The following CNOT3 variants were observed in gnomAD, a reference collection of about 807,000 sequenced individuals.
CNOT3 encodes the protein CCR4-associated factor 3.
Under a neutral mutation model 89.4 loss-of-function variants are expected in CNOT3, and 2 were observed. The ratio of observed to expected loss-of-function variants is 0.02; its 90% CI spans 0.01 to 0.07. CNOT3 has a LOEUF of 0.07. Ranked by LOEUF, CNOT3 falls within the 10% of genes least tolerant of loss-of-function variation. CNOT3 has a pLI of 1.00. For missense variants in CNOT3, 664 were observed against 1,010.2 expected (o/e 0.66, Z 4.65); for synonymous variants, 486 against 402.0 (o/e 1.21, Z -2.50).
intron 17 of CNOT3, chr19:54,155,040 T>C: frequency 1.9e-6 from 1 of 533,210 alleles, no homozygotes; most frequent in South Asian, 2.3e-5. Context: ...GGCTGTGCAC[T>C]CACACCTGGG....
Position 54,155,413 on chromosome 19 carries a change from GC to G in CNOT3, c.*10del, listed in dbSNP as rs775224425. On this transcript the variant is annotated 3_prime_UTR_variant, in exon 18 of 18. Coordinates refer to ENST00000221232, the MANE Select transcript of CNOT3 (RefSeq NM_014516.4). ...AGGACCGGGACCTCCAGTGACACCGGCCCCTCCCTCTACCCACCCCCTTCCC... is the reference window on the plus strand; with the variant it reads ...AGGACCGGGACCTCCAGTGACACCGGCCCTCCCTCTACCCACCCCCTTCCC... 2 of 1,576,250 alleles carry G rather than the reference GC, an allele frequency of 1.3e-6. No individual in the cohort carries two copies. Among genetic ancestry groups the G allele is most frequent in the Non-Finnish European group, 1.7e-6 (2 of 1,154,020 alleles).
intron 13 of CNOT3, among the ~76,000 whole-genome samples, chr19:54,150,264 TGA>T (rs1256332638): frequency 6.6e-6 from 1 of 150,794 alleles, no homozygotes; most frequent in Admixed American, 6.6e-5. Flanking sequence ...CAGGAAGGTC[TGA>T]GAGGGGGTGA....
chr19:54,143,351 T>A, intron 3 of CNOT3, 91 bp from the exon 4 acceptor site: 3 of 1,229,196 alleles, frequency 2.4e-6, no homozygotes, highest in Non-Finnish European at 2.4e-6. Context: ...TTGGGGGGGG[T>A]CCTCGAGTCC....
In CNOT3 at chr19:54,144,462, G is replaced by A. The variant is rs1443647641; in HGVS notation, c.483+130G>A. ...CCTCAGGCGGACAGGGCCAACAGCCGGGATTAGGGATTTGAGAGACAGGAT... is the reference window on the plus strand; with the variant it reads ...CCTCAGGCGGACAGGGCCAACAGCCAGGATTAGGGATTTGAGAGACAGGAT... On this transcript the variant is annotated intron_variant, in intron 7 of 17. Transcript: ENST00000221232. The surrounding 1 kb of genome is among the most constrained non-coding windows in gnomAD (Gnocchi z 4.8). 10 of 690,014 alleles carry A rather than the reference G, an allele frequency of 1.4e-5. No homozygotes were observed. The highest frequency in any genetic ancestry group is 7.7e-6 in the Non-Finnish European group (3 of 387,878). 42.7% of individuals were successfully genotyped at this position (690,014 alleles called of 1,614,324 possible).
At chr19:54,146,162 A>G in intron 9 of CNOT3, 119 bp downstream of exon 9, 1 of 1,100,242 alleles carries the variant, frequency 9.1e-7, no homozygotes, top group African/African-American at 1.5e-5. Flanking sequence ...AGATCTAGGT[A>G]TCCAGGGTCT....
chr19:54,138,215 A>G (rs1190446210), intron 1 of CNOT3, among the ~76,000 whole-genome samples: 2 of 149,318 alleles, frequency 1.3e-5, no homozygotes. Flanking sequence ...CACGTTCCTC[A>G]GCGCCTCCCG....
In CNOT3 at chr19:54,152,323, G is replaced by A. The variant is rs775550862; in HGVS notation, c.1703G>A (p.Arg568Gln). Residue 568 changes from arginine (R) to glutamine (Q), a missense_variant and splice_region_variant, in exon 14 of 18, where the codon CGA becomes CAA. Transcript: ENST00000221232. Reference protein sequence around the residue: ...DPVPTLHLTERDIILSSTSAP... With the variant: ...DPVPTLHLTEQDIILSSTSAP... ...GTGCCAACGCTGCACCTGACCGAGC[G>A]AGGTGAGGGACCCAGGATGGTGGGG... 16 of 1,614,026 alleles carry A rather than the reference G, an allele frequency of 9.9e-6. No homozygotes were observed. Among genetic ancestry groups the A allele is most frequent in the African/African-American group, 1.3e-5 (1 of 74,920 alleles).
At chr19:54,147,127 G>C (rs777639739) in intron 10 of CNOT3, among the ~76,000 whole-genome samples, 1 of 152,192 alleles carries the variant, frequency 6.6e-6, no homozygotes, top group African/African-American at 2.4e-5. Flanking sequence ...GAAGCGATGG[G>C]GCCTTTGCTG....
chr19:54,142,171 G>A lies in CNOT3; in HGVS notation c.-50-758G>A, dbSNP rs142018733. 465 of 152,170 alleles carry A rather than the reference G, an allele frequency of 3.1e-3. 3 individuals carry two copies. The highest frequency in any genetic ancestry group is 2.7e-3 in the Non-Finnish European group (181 of 68,078). The allele number at this position is 152,170 out of a possible 1,614,324, so 9.4% of individuals were successfully genotyped here. On this transcript the variant is annotated intron_variant, in intron 1 of 17. Transcript: ENST00000221232. The stretch of plus-strand genomic sequence containing the variant: ...ACCCTCTTATCTTAGTAAGATTTCT[G>A]TCTTCTCCCAGGTCTCTCTTGGGTA...
At chr19:54,153,370 C>G (rs546690392) in intron 16 of CNOT3, 6 of 764,576 alleles carry the variant, frequency 7.8e-6, no homozygotes, top group Non-Finnish European at 1.2e-5. Flanking sequence ...CACTGGGGAG[C>G]TGTCCAGCCC....
intron 1 of CNOT3, chr19:54,142,244 T>C (rs1199068853): frequency 6.6e-6 from 1 of 152,598 alleles, no homozygotes; most frequent in African/African-American, 2.4e-5. Flanking sequence ...TTAGCTTCTT[T>C]GGGTTAGGAG....
chr19:54,152,895 A>G lies in CNOT3; in HGVS notation c.1933A>G (p.Thr645Ala), dbSNP rs2146769011. The change falls in exon 16 of 18, where the codon ACG (threonine) becomes GCG (alanine). Residue 645 changes from threonine (T) to alanine (A), a missense_variant. Physicochemically the swap from Thr to Ala is moderately conservative, Grantham distance 58 (BLOSUM62 0). Transcript: ENST00000221232. ...RQYLPRNPCP[T>A]PPYHHQMPPP... ...GTACCTCCCCCGGAACCCCTGTCCG[A>G]CGCCCCCCTACCACCACCAGATGCC... is the stretch of plus-strand genomic sequence containing the variant. 6.7e-7 allele frequency: 1 copy of G among 1,488,186 alleles called. No individual in the cohort carries two copies. The highest frequency in any genetic ancestry group is 9.2e-7 in the Non-Finnish European group (1 of 1,092,524). 92.2% of individuals were successfully genotyped at this position (1,488,186 alleles called of 1,614,324 possible). A position where few individuals can be genotyped will look rare whatever the true frequency, so the allele number is the denominator to read the frequency against.
intron 17 of CNOT3, chr19:54,154,529 AT>A (rs571067525): frequency 1.9e-4 from 30 of 159,356 alleles, no homozygotes; most frequent in South Asian, 5.0e-4. Flanking sequence ...AGTGTCATGG[AT>A]TTTTTTTTTC....
intron 12 of CNOT3, 79 bp from the exon 13 acceptor site, chr19:54,149,479 CCT>C: frequency 1.2e-6 from 1 of 833,452 alleles, no homozygotes; most frequent in Non-Finnish European, 1.8e-6. Context: ...TGCAGTCTCC[CCT>C]CTCTCCAGCC....
rs587740207 is a variant in CNOT3, at chr19:54,143,723, A to C, written c.232A>C (p.Ile78Leu). 1 of 1,613,950 alleles carries C rather than the reference A, an allele frequency of 6.2e-7. No individual in the cohort carries two copies. The highest frequency in any genetic ancestry group is 1.7e-5 in the Admixed American group (1 of 60,000). Residue 78 changes from isoleucine to leucine, a missense_variant, in exon 5 of 18, where the codon ATA becomes CTA. Physicochemically the swap from Ile to Leu is conservative, Grantham distance 5 (BLOSUM62 2). Around this residue, in one of 8 missense-constraint regions of CNOT3, gnomAD observed 27 missense variants for 158.2 expected, o/e 0.17. Coordinates refer to ENST00000221232, the MANE Select transcript of CNOT3 (RefSeq NM_014516.4). The stretch of plus-strand genomic sequence containing the variant: ...CGAGATCAAGGACAAGAGGCAGCTT[A>C]TAGACAACCGCAAGCTCATTGAGAC... ...SNEIKDKRQL[I>L]DNRKLIETQM...
rs2074649061 is a variant in CNOT3, at chr19:54,145,932, C to CG, written c.726_727insG (p.Pro243AlafsTer10). On this transcript the variant is annotated frameshift_variant, in exon 9 of 18. Transcript: ENST00000221232. LOFTEE classifies it high-confidence loss of function. This position sits in a 1 kb window ranked among gnomAD's most constrained non-coding sequence, Gnocchi z 5.9. ...CAGCACAGGCGCTGGTCGCCACCTC[C>CG]CCCCCCAGCCACAGCCACATGGAGG... is the stretch of plus-strand genomic sequence containing the variant. 6.2e-7 allele frequency: 1 copy of CG among 1,613,584 alleles called. No individual in the cohort carries two copies.
At chr19:54,147,405 A>G (rs587675673) in intron 10 of CNOT3, among the ~76,000 whole-genome samples, 23 of 152,244 alleles carry the variant, frequency 1.5e-4, no homozygotes, top group African/African-American at 5.1e-4. Context: ...CAGGGCCAGG[A>G]GGTGATGAGG....
At chr19:54,152,379 CT>C (rs1232737665) in intron 14 of CNOT3, 48 bp from the exon 15 acceptor site, 7 of 1,613,878 alleles carry the variant, frequency 4.3e-6, no homozygotes, top group African/African-American at 2.7e-5. Context: ...GGGGCTGCCC[CT>C]GACCCATCCT....
At chr19:54,143,342 T>TGG (rs34281370) in intron 3 of CNOT3, 100 bp from the exon 4 acceptor site, 282,683 of 928,460 alleles carry the variant, frequency 0.3, 16,863 homozygotes, top group Non-Finnish European at 0.34. Flanking sequence ...GGGTAGGGGT[T>TGG]GGGGGGGGTC....
Sources: gnomAD v4.1 joint callset for allele counts (sites outside exome capture counted in the v4.1 genomes callset) on GRCh38, gnomAD v4.1.1 for gene constraint, gnomAD v4.1.1 regional missense constraint, Gnocchi (gnomAD v3.1) non-coding constraint, MANE v1.5 for transcripts, NCBI Gene and HGNC (gene_info 2026-07-23, HGNC 2026-07-21) for gene names.